The following POU6F2 variants were observed in gnomAD, a reference collection of about 807,000 sequenced individuals.
POU6F2 encodes POU class 6 homeobox 2, also known as POU domain, class 6, transcription factor 2.
In POU6F2, 31 loss-of-function variants were observed where a neutral mutation model predicts 71.3. The ratio of observed to expected loss-of-function variants is 0.43; its 90% CI spans 0.33 to 0.59. The LOEUF (loss-of-function observed/expected upper bound fraction) is 0.59, where lower values mean the gene tolerates loss of function less well. Among genes scored for constraint, POU6F2 ranks in the 20% least tolerant of loss-of-function variants. The pLI is 0.04. For missense variants in POU6F2, 783 were observed against 856.8 expected, an observed-to-expected ratio of 0.91 and a Z score of 1.07; for synonymous variants, 347 against 355.7, an observed-to-expected ratio of 0.98 and a Z score of 0.27.
intron 2 of POU6F2, among the ~76,000 whole-genome samples, chr7:39,092,032 G>T (rs1791371181): frequency 6.6e-6 from 1 of 152,184 alleles, no homozygotes; most frequent in African/African-American, 2.4e-5. Flanking sequence ...GATTATTCAG[G>T]CCTTCCCTGG....
At chr7:39,058,168 A>G (rs1790574774) in intron 1 of POU6F2, among the ~76,000 whole-genome samples, 1 of 152,168 alleles carries the variant, frequency 6.6e-6, no homozygotes, top group Admixed American at 6.5e-5. Flanking sequence ...AAAGCAGCAT[A>G]TTTCAGCTTG....
In POU6F2 at chr7:39,435,803, A is replaced by G. The variant is rs150634455; in HGVS notation, c.1320+2520A>G. ...TAATCCATCTTGAGGTAATTTTTAT[A>G]TAAGGTGTAAGGAAGGGGTCCAGCT... On this transcript the variant is annotated intron_variant, in intron 7 of 9. Coordinates refer to ENST00000518318, the MANE Select transcript of POU6F2 (RefSeq NM_001370959.1). 7.0e-3 allele frequency among the ~76,000 whole-genome samples: 1,072 copies of G among 152,324 alleles called. 20 individuals are homozygous for G. The highest frequency in any genetic ancestry group is 0.06 in the East Asian group (312 of 5,182).
intron 1 of POU6F2, among the ~76,000 whole-genome samples, chr7:39,050,700 A>G (rs931349258): frequency 6.6e-6 from 1 of 152,110 alleles, no homozygotes; most frequent in Non-Finnish European, 1.5e-5. Flanking sequence ...TACTGCTCCA[A>G]ATCAAGTTAT....
intron 1 of POU6F2, among the ~76,000 whole-genome samples, chr7:38,979,391 T>C (rs1468002805): frequency 6.6e-6 from 1 of 152,218 alleles, no homozygotes; most frequent in Non-Finnish European, 1.5e-5. Flanking sequence ...TGCTTCATAA[T>C]GTATTTTTAG....
chr7:39,095,081 C>T (rs183326315), intron 2 of POU6F2, among the ~76,000 whole-genome samples: 1 of 152,134 alleles, frequency 6.6e-6, no homozygotes, highest in Admixed American at 6.6e-5. Flanking sequence ...ATACACTATT[C>T]TATAATCTAT....
chr7:39,057,986 A>G (rs1159835630), intron 1 of POU6F2, among the ~76,000 whole-genome samples: 1 of 152,188 alleles, frequency 6.6e-6, no homozygotes, highest in East Asian at 1.9e-4. Context: ...ATGACCAGAA[A>G]TGTTAACAAA....
chr7:39,385,274 G>A (rs953381690), intron 5 of POU6F2, among the ~76,000 whole-genome samples: 11 of 152,270 alleles, frequency 7.2e-5, no homozygotes, highest in East Asian at 3.9e-4. Context: ...TGTGTGTCAC[G>A]AATGACTGCT....
chr7:39,331,321 T>A (rs925133610), intron 4 of POU6F2, among the ~76,000 whole-genome samples: 9 of 152,154 alleles, frequency 5.9e-5, no homozygotes, highest in African/African-American at 2.2e-4. Flanking sequence ...ATATAGTAGT[T>A]CCATTTTAGA....
intron 4 of POU6F2, among the ~76,000 whole-genome samples, chr7:39,330,829 T>C (rs1177049820): frequency 6.6e-6 from 1 of 152,214 alleles, no homozygotes; most frequent in Non-Finnish European, 1.5e-5. Flanking sequence ...TAATGTACAA[T>C]ACCTTACTGT....
At chr7:39,034,806 A>C (rs1054397082) in intron 1 of POU6F2, among the ~76,000 whole-genome samples, 2 of 152,156 alleles carry the variant, frequency 1.3e-5, no homozygotes, top group Non-Finnish European at 2.9e-5. Flanking sequence ...GCTGCTTTCA[A>C]GTTTGGCGCC....
chr7:39,461,240 TAAAAG>T (rs1788943292), intron 9 of POU6F2, among the ~76,000 whole-genome samples: 1 of 151,984 alleles, frequency 6.6e-6, no homozygotes, highest in Admixed American at 6.6e-5. Context: ...AAATAAAAAA[TAAAAG>T]AAAAGAAGCG....
At chr7:39,224,856 G>C (rs1340452452) in intron 4 of POU6F2, among the ~76,000 whole-genome samples, 1 of 152,174 alleles carries the variant, frequency 6.6e-6, no homozygotes, top group Non-Finnish European at 1.5e-5. Flanking sequence ...CAGCAGATGT[G>C]ACTGAGTCTG....
intron 2 of POU6F2, among the ~76,000 whole-genome samples, chr7:39,172,059 A>G (rs771554947): frequency 2.0e-5 from 3 of 152,206 alleles, no homozygotes; most frequent in East Asian, 3.9e-4. Context: ...CTTTTAGAGA[A>G]ATCAGAAAAG....
intron 4 of POU6F2, among the ~76,000 whole-genome samples, chr7:39,318,389 G>A (rs1019778078): frequency 6.6e-5 from 10 of 152,110 alleles, no homozygotes; most frequent in Admixed American, 5.9e-4. Context: ...AAGCACCCTT[G>A]GTGATCCCTC....
chr7:39,186,207 GTGAACT>G (rs1793537409), intron 2 of POU6F2, among the ~76,000 whole-genome samples: 1 of 152,182 alleles, frequency 6.6e-6, no homozygotes, highest in African/African-American at 2.4e-5. Context: ...ATAGTCAGTA[GTGAACT>G]TGGAACTCAG....
intron 1 of POU6F2, among the ~76,000 whole-genome samples, chr7:38,998,005 T>C (rs1282988351): frequency 6.6e-6 from 1 of 152,220 alleles, no homozygotes; most frequent in Non-Finnish European, 1.5e-5. Context: ...CAAGCCACTT[T>C]TGACTGGTCT....
At chr7:39,143,655 T>A (rs538506398) in intron 2 of POU6F2, among the ~76,000 whole-genome samples, 1 of 152,250 alleles carries the variant, frequency 6.6e-6, no homozygotes, top group South Asian at 2.1e-4. Context: ...CTCCCAGAGC[T>A]GAGGTTTTTG....
chr7:39,419,528 C>T (rs80071584), intron 6 of POU6F2, among the ~76,000 whole-genome samples: 10,397 of 152,156 alleles, frequency 0.068, 455 homozygotes, highest in Non-Finnish European at 0.098. Context: ...GAGTGAGCCA[C>T]CATGCCTGGC....
At chr7:39,289,075 T>G (rs984433864) in intron 4 of POU6F2, among the ~76,000 whole-genome samples, 12 of 152,224 alleles carry the variant, frequency 7.9e-5, no homozygotes, top group African/African-American at 2.7e-4. Flanking sequence ...CATCTTGAAA[T>G]ATGTTAGGGT....
Sources: allele counts gnomAD v4.1 joint callset (sites outside exome capture counted in the v4.1 genomes callset), GRCh38; gene constraint gnomAD v4.1.1; transcripts MANE v1.5; gene names NCBI Gene and HGNC (gene_info 2026-07-23, HGNC 2026-07-21).